ANKH: variants seen among roughly 807,000 people sequenced by gnomAD.
ANKH encodes ANKH inorganic pyrophosphate transport regulator, also known as mineralization regulator ANKH.
A neutral mutation model predicts 49.0 loss-of-function variants in ANKH; 15 were observed. That is an observed-to-expected ratio of 0.31 (90% CI 0.20 to 0.47). ANKH has a LOEUF of 0.47. Among genes scored for constraint, ANKH ranks in the 20% least tolerant of loss-of-function variants. The probability of loss-of-function intolerance (pLI) is 1.00; values close to 1 mark genes in which losing one functional copy is unlikely to be tolerated. For synonymous variants in ANKH, 273 were observed against 260.0 expected, an observed-to-expected ratio of 1.05 and a Z score of -0.48; for missense variants, 429 against 652.0, an observed-to-expected ratio of 0.66 and a Z score of 3.72.
At position 14,808,983 on chromosome 5, in the gene ANKH, A is replaced by G. The variant is rs1580084982; in HGVS notation, c.97-39792T>C. On this transcript the variant is annotated intron_variant, in intron 1 of 11. Transcript: ENST00000284268. ...GATTAAGAAAATGTGGCACATATAC[A>G]CCATGGAATACTATGCAGCCATAAA... is the stretch of plus-strand genomic sequence containing the variant. Among the ~76,000 whole-genome samples the G allele has an allele frequency of 8.2e-5, 8 of 97,574 alleles. No individual in the cohort carries two copies. The Admixed American group carries it at 1.0e-3, about 12-fold the overall frequency. The allele number at this position is 97,574 out of a possible 152,430, so 64.0% of individuals were successfully genotyped here.
At chr5:14,861,538 G>A (rs1236727327) in intron 1 of ANKH, among the ~76,000 whole-genome samples, 3 of 152,188 alleles carry the variant, frequency 2.0e-5, no homozygotes, top group Non-Finnish European at 2.9e-5. Context: ...ATTTCTGCCT[G>A]GGTGAGATAG....
At position 14,713,815 on chromosome 5, in the gene ANKH, C is replaced by T; in HGVS notation, c.1142-148G>A. The T allele has an allele frequency of 8.7e-7, 1 of 1,151,288 alleles. No homozygotes were observed. Among genetic ancestry groups the T allele is most frequent in the Non-Finnish European group, 1.3e-6 (1 of 781,772 alleles). The allele number at this position is 1,151,288 out of a possible 1,614,324, so 71.3% of individuals were successfully genotyped here. A position where few individuals can be genotyped will look rare whatever the true frequency, so the allele number is the denominator to read the frequency against. On this transcript the variant is annotated intron_variant, in intron 9 of 11. Transcript: ENST00000284268. The surrounding 1 kb of genome is among the most constrained non-coding windows in gnomAD (Gnocchi z 4.4). The stretch of plus-strand genomic sequence containing the variant: ...AGCCGCTGGCCACCTCATCTTCCTG[C>T]CAGGGTTCCCCATCCCTGCTCCTGA...
chr5:14,787,660 A>C (rs1261920343), intron 1 of ANKH, among the ~76,000 whole-genome samples: 1 of 152,260 alleles, frequency 6.6e-6, no homozygotes, highest in Non-Finnish European at 1.5e-5. Context: ...AGACAAAATA[A>C]ATGAAATGCC....
intron 8 of ANKH, among the ~76,000 whole-genome samples, chr5:14,723,772 T>TAC (rs1561025027): frequency 1.3e-5 from 2 of 152,206 alleles, no homozygotes; most frequent in South Asian, 4.1e-4. Context: ...CTGAGGTGCT[T>TAC]ACATGCAGCC....
chr5:14,759,245 T>C (rs1342965502), intron 2 of ANKH, among the ~76,000 whole-genome samples: 1 of 152,160 alleles, frequency 6.6e-6, no homozygotes, highest in African/African-American at 2.4e-5. Context: ...GCTTTTGTAG[T>C]CCTTCCAATA....
At chr5:14,743,984 G>A (rs1285417938) in intron 7 of ANKH, among the ~76,000 whole-genome samples, 2 of 152,196 alleles carry the variant, frequency 1.3e-5, no homozygotes, top group Admixed American at 6.5e-5. Flanking sequence ...TTCAGCACTT[G>A]CCCTTCTCAT....
At chr5:14,832,171 T>C (rs944517016) in intron 1 of ANKH, among the ~76,000 whole-genome samples, 2 of 152,142 alleles carry the variant, frequency 1.3e-5, no homozygotes, top group Admixed American at 1.3e-4. Flanking sequence ...GTCTGAAAAG[T>C]CATACTAAGA....
intron 1 of ANKH, among the ~76,000 whole-genome samples, chr5:14,847,748 C>T (rs578248087): frequency 1.3e-5 from 2 of 152,348 alleles, no homozygotes; most frequent in South Asian, 2.1e-4. Flanking sequence ...TTTTCTCCTA[C>T]TCAATATGGG....
rs756956755 is a variant in ANKH at position 14,857,572 on chromosome 5, C to T, written c.96+13780G>A. ...ACTTGGGAGGCTAAGGCAGGAGAAT[C>T]GCTTGAACCTGGGAGGCGGAGGTTG... On this transcript the variant is annotated intron_variant, in intron 1 of 11. Coordinates refer to ENST00000284268, the MANE Select transcript of ANKH (RefSeq NM_054027.6). Among the ~76,000 whole-genome samples, 157 of 152,036 alleles carry T rather than the reference C, an allele frequency of 1.0e-3. 3 individuals are homozygous for T. The highest frequency in any genetic ancestry group is 3.4e-3 in the Middle Eastern group (1 of 294).
At chr5:14,782,979 T>G (rs1161810654) in intron 1 of ANKH, among the ~76,000 whole-genome samples, 1 of 152,170 alleles carries the variant, frequency 6.6e-6, no homozygotes, top group Non-Finnish European at 1.5e-5. Context: ...GATCTTTAAC[T>G]CTTCCAAAGT....
intron 1 of ANKH, among the ~76,000 whole-genome samples, chr5:14,778,452 T>C (rs1739702142): frequency 6.6e-6 from 1 of 152,138 alleles, no homozygotes; most frequent in African/African-American, 2.4e-5. Flanking sequence ...TCTGAGTTCT[T>C]TGACCTCCTC....
intron 8 of ANKH, among the ~76,000 whole-genome samples, chr5:14,730,389 A>T (rs1561027783): frequency 6.6e-6 from 1 of 152,202 alleles, no homozygotes; most frequent in Non-Finnish European, 1.5e-5. Context: ...AAAAGAGGCG[A>T]ATATGATCTA....
chr5:14,770,218 C>T lies in ANKH; in HGVS notation c.97-1027G>A, dbSNP rs1195229243. ...AAAGTACAGAGCATTCCCATATATC[C>T]TTTGCCCCCCACAAACACGGAGCCT... On this transcript the variant is annotated intron_variant, in intron 1 of 11. Transcript: ENST00000284268. This position sits in a 1 kb window ranked among gnomAD's most constrained non-coding sequence, Gnocchi z 4.1. Among the ~76,000 whole-genome samples, 1 of 152,102 alleles carries T rather than the reference C, an allele frequency of 6.6e-6. No individual in the cohort carries two copies. Among genetic ancestry groups the T allele is most frequent in the Non-Finnish European group, 1.5e-5 (1 of 68,034 alleles).
In ANKH at chr5:14,707,487, G is replaced by A. The variant is rs1736985043; in HGVS notation, c.*3710C>T. 6.6e-6 allele frequency: 1 copy of A among 152,186 alleles called. No homozygotes were observed. The highest frequency in any genetic ancestry group is 1.5e-5 in the Non-Finnish European group (1 of 68,048). The allele number at this position is 152,186 out of a possible 1,614,324, so 9.4% of individuals were successfully genotyped here. A position where few individuals can be genotyped will look rare whatever the true frequency, so the allele number is the denominator to read the frequency against. On this transcript the variant is annotated 3_prime_UTR_variant, in exon 12 of 12. Coordinates refer to ENST00000284268, the MANE Select transcript of ANKH (RefSeq NM_054027.6). ...AAATATAAGTGAATAAATTTTGAGA[G>A]TTACGATATGTAATGATTATTCCAA...
rs984686382 is a variant in ANKH, at chr5:14,725,632, A to G, written c.1012-8797T>C. On this transcript the variant is annotated intron_variant, in intron 8 of 11. Transcript: ENST00000284268. The surrounding 1 kb of genome is among the most constrained non-coding windows in gnomAD (Gnocchi z 4.0). ...AGAAGGTTTCCTGGGACCGTATTCTAACAAAACGCTAGCAGGGGAGTCCTC... is the reference window on the plus strand; with the variant it reads ...AGAAGGTTTCCTGGGACCGTATTCTGACAAAACGCTAGCAGGGGAGTCCTC... Among the ~76,000 whole-genome samples, 1 of 152,254 alleles carries G rather than the reference A, an allele frequency of 6.6e-6. No individual in the cohort carries two copies. Among genetic ancestry groups the G allele is most frequent in the Admixed American group, 6.5e-5 (1 of 15,290 alleles).
intron 2 of ANKH, among the ~76,000 whole-genome samples, chr5:14,761,506 G>A (rs1739077770): frequency 6.6e-6 from 1 of 152,132 alleles, no homozygotes; most frequent in Non-Finnish European, 1.5e-5. Context: ...AAACTCATCT[G>A]AGTAAGGGCA....
At chr5:14,813,111 C>T (rs1255096118) in intron 1 of ANKH, among the ~76,000 whole-genome samples, 2 of 152,110 alleles carry the variant, frequency 1.3e-5, no homozygotes, top group South Asian at 2.1e-4. Flanking sequence ...CATGGTGGCA[C>T]ATACCTGTAG....
Position 14,845,344 on chromosome 5 carries a change from A to ATG in ANKH, c.96+26006_96+26007dup, listed in dbSNP as rs202194922. ...TGGCAGAAGAAACCCTGCTAGTTTCATGTGTATATATATATATATATATTT... is the reference window on the plus strand; with the variant it reads ...TGGCAGAAGAAACCCTGCTAGTTTCATGTGTGTATATATATATATATATATTT... On this transcript the variant is annotated intron_variant, in intron 1 of 11. Transcript: ENST00000284268. Among the ~76,000 whole-genome samples, 8 of 141,918 alleles carry ATG rather than the reference A, an allele frequency of 5.6e-5. No homozygotes were observed. The East Asian group carries it at 5.9e-4, about 10-fold the overall frequency. 93.1% of individuals were successfully genotyped at this position (141,918 alleles called of 152,430 possible).
chr5:14,857,171 A>C (rs1043091042), intron 1 of ANKH, among the ~76,000 whole-genome samples: 1 of 151,950 alleles, frequency 6.6e-6, no homozygotes, highest in Non-Finnish European at 1.5e-5. Context: ...ACCTCCAAAC[A>C]TCCTCCCACT....
Sources: allele counts gnomAD v4.1 joint callset (sites outside exome capture counted in the v4.1 genomes callset), GRCh38; gene constraint gnomAD v4.1.1; non-coding constraint Gnocchi (gnomAD v3.1); transcripts MANE v1.5; gene names NCBI Gene and HGNC (gene_info 2026-07-23, HGNC 2026-07-21).